The following IL4 variants were observed in gnomAD, a reference collection of about 807,000 sequenced individuals.
The protein encoded by IL4 is interleukin 4, also known as interleukin-4.
A neutral mutation model predicts 17.4 loss-of-function variants in IL4; 10 were observed. That is an observed-to-expected ratio of 0.57 (90% CI 0.35 to 0.97). The LOEUF (loss-of-function observed/expected upper bound fraction) is 0.97, where lower values mean the gene tolerates loss of function less well. Among genes scored for constraint, IL4 ranks in the 50% least tolerant of loss-of-function variants. IL4 has a pLI of 0.01. For synonymous variants in IL4, 87 were observed against 79.0 expected (o/e 1.10, Z -0.54); for missense variants, 174 against 187.7 (o/e 0.93, Z 0.43).
intron 3 of IL4, among the ~76,000 whole-genome samples, chr5:132,681,178 A>G (rs1039827543): frequency 2.6e-5 from 4 of 152,188 alleles, no homozygotes; most frequent in African/African-American, 9.7e-5. Flanking sequence ...GGGAGAGATC[A>G]AAGGACTGAG....
chr5:132,675,706 G>A (rs758170179), intron 2 of IL4, among the ~76,000 whole-genome samples: 1 of 151,830 alleles, frequency 6.6e-6, no homozygotes, highest in Non-Finnish European at 1.5e-5. Flanking sequence ...GCACCACCAC[G>A]CCTGGCTAAT....
chr5:132,680,383 G>A lies in IL4; in HGVS notation c.360+493G>A, dbSNP rs1241624423. Among the ~76,000 whole-genome samples, 1 of 152,156 alleles carries A rather than the reference G, an allele frequency of 6.6e-6. No homozygotes were observed. Among genetic ancestry groups the A allele is most frequent in the Non-Finnish European group, 1.5e-5 (1 of 68,024 alleles). On this transcript the variant is annotated intron_variant, in intron 3 of 3. Transcript: ENST00000231449. This position sits in a 1 kb window ranked among gnomAD's most constrained non-coding sequence, Gnocchi z 4.3. ...CCTGTATTTAAAGACCAGTAGGAAG[G>A]CCAGTGTGGCTGGATCAGAGTGAGT... is the stretch of plus-strand genomic sequence containing the variant.
chr5:132,679,959 C>T (rs1752455585), intron 3 of IL4, 69 bp downstream of exon 3: 3 of 1,348,030 alleles, frequency 2.2e-6, no homozygotes, highest in East Asian at 4.8e-5. Context: ...CACTTCTAAA[C>T]ACTCCTTAGG....
chr5:132,675,929 A>ACGTGTGTGTGTGTGTG (rs1752374852), intron 2 of IL4, among the ~76,000 whole-genome samples: 1 of 140,942 alleles, frequency 7.1e-6, no homozygotes, highest in African/African-American at 2.7e-5. Context: ...GTGTATGTAT[A>ACGTGTGTGTGTGTGTG]TGTGTGTGTG....
intron 2 of IL4, among the ~76,000 whole-genome samples, chr5:132,677,023 T>C (rs559679008): frequency 2.6e-5 from 4 of 152,248 alleles, no homozygotes; most frequent in African/African-American, 7.2e-5. Flanking sequence ...GGTGGACAAG[T>C]AGTTGGAGCT....
At position 132,680,272 on chromosome 5, in the gene IL4, G is replaced by A. The variant is rs557621582; in HGVS notation, c.360+382G>A. On this transcript the variant is annotated intron_variant, in intron 3 of 3. Coordinates refer to ENST00000231449, the MANE Select transcript of IL4 (RefSeq NM_000589.4). This position sits in a 1 kb window ranked among gnomAD's most constrained non-coding sequence, Gnocchi z 4.3. ...ATCTGAGCAGATATTTGAATTGAGG[G>A]AGCAGGCCACATGACTAACTAGGGA... Among the ~76,000 whole-genome samples, 264 of 152,288 alleles carry A rather than the reference G, an allele frequency of 1.7e-3. No homozygotes were observed. The highest frequency in any genetic ancestry group is 3.3e-3 in the Non-Finnish European group (225 of 68,018).
intron 2 of IL4, among the ~76,000 whole-genome samples, chr5:132,678,262 C>T (rs1308677980): frequency 6.6e-6 from 1 of 152,246 alleles, no homozygotes; most frequent in Non-Finnish European, 1.5e-5. Context: ...CTACGCAGCT[C>T]TCAATCCCAT....
At chr5:132,679,654 C>T in intron 2 of IL4, 60 bp from the exon 3 acceptor site, 5 of 1,428,566 alleles carry the variant, frequency 3.5e-6, no homozygotes, top group Non-Finnish European at 4.8e-6. Context: ...GAGGAAAAAT[C>T]TCTCTCCCAT....
intron 3 of IL4, 46 bp downstream of exon 3, chr5:132,679,936 T>C: frequency 6.5e-7 from 1 of 1,527,884 alleles, no homozygotes; most frequent in Non-Finnish European, 8.9e-7. Context: ...TGGCTCCTGG[T>C]GGACAGCAGC....
chr5:132,678,337 C>T (rs1482256807), intron 2 of IL4, among the ~76,000 whole-genome samples: 1 of 152,150 alleles, frequency 6.6e-6, no homozygotes, highest in Non-Finnish European at 1.5e-5. Flanking sequence ...AAAGAAGTTA[C>T]AAAACAGTAT....
intron 3 of IL4, among the ~76,000 whole-genome samples, chr5:132,681,197 C>G (rs1752481246): frequency 6.6e-6 from 1 of 152,146 alleles, no homozygotes; most frequent in African/African-American, 2.4e-5. Flanking sequence ...AGCCTGAGAT[C>G]AACACATGGA....
At chr5:132,679,241 G>C (rs1752438693) in intron 2 of IL4, among the ~76,000 whole-genome samples, 1 of 152,184 alleles carries the variant, frequency 6.6e-6, no homozygotes, top group Non-Finnish European at 1.5e-5. Flanking sequence ...TATTCAACAG[G>C]CATGCAGGAT....
chr5:132,675,374 G>C (rs1752357164), intron 2 of IL4, among the ~76,000 whole-genome samples: 1 of 152,096 alleles, frequency 6.6e-6, no homozygotes, highest in South Asian at 2.1e-4. Context: ...GAGATGATAT[G>C]GCCAGGAGTG....
intron 2 of IL4, among the ~76,000 whole-genome samples, chr5:132,675,692 G>C (rs1338656801): frequency 6.6e-6 from 1 of 152,024 alleles, no homozygotes. Context: ...GGGACGACAG[G>C]TGTGCACCAC....
intron 2 of IL4, among the ~76,000 whole-genome samples, chr5:132,674,773 C>A (rs1198348832): frequency 6.6e-6 from 1 of 152,204 alleles, no homozygotes; most frequent in African/African-American, 2.4e-5. Flanking sequence ...TTGGGTTTTA[C>A]TTAGCTTTGG....
At chr5:132,678,247 C>T (rs1010997660) in intron 2 of IL4, among the ~76,000 whole-genome samples, 4 of 152,248 alleles carry the variant, frequency 2.6e-5, no homozygotes, top group Admixed American at 6.5e-5. Context: ...CTGTGCAATG[C>T]GTTTCTACGC....
chr5:132,674,894 G>A (rs1752349791), intron 2 of IL4, among the ~76,000 whole-genome samples: 1 of 152,252 alleles, frequency 6.6e-6, no homozygotes, highest in South Asian at 2.1e-4. Flanking sequence ...CAGATATTGA[G>A]ATGACAGGTT....
chr5:132,675,921 GTATGTATA>G (rs1561676303), intron 2 of IL4, among the ~76,000 whole-genome samples: 3 of 118,808 alleles, frequency 2.5e-5, no homozygotes, highest in Non-Finnish European at 1.8e-5. Context: ...GTATATATGT[GTATGTATA>G]TGTGTGTGTG....
rs1257825602 is a variant in IL4, at chr5:132,682,601, TGA to T, written c.*16_*17del. 3.6e-6 allele frequency: 5 copies of T among 1,371,346 alleles called. No homozygotes were observed. Among genetic ancestry groups the T allele is most frequent in the Middle Eastern group, 1.8e-4 (1 of 5,532 alleles). The allele number at this position is 1,371,346 out of a possible 1,614,324, so 84.9% of individuals were successfully genotyped here. A position where few individuals can be genotyped will look rare whatever the true frequency, so the allele number is the denominator to read the frequency against. On this transcript the variant is annotated 3_prime_UTR_variant, in exon 4 of 4. Transcript: ENST00000231449. ...TGTTCGAGCTGAATATTTTAATTTATGAGTTTTTGATAGCTTTATTTTTTAAG... is the reference window on the plus strand; with the variant it reads ...TGTTCGAGCTGAATATTTTAATTTATGTTTTTGATAGCTTTATTTTTTAAG...
Sources: gnomAD v4.1 joint callset for allele counts (sites outside exome capture counted in the v4.1 genomes callset) on GRCh38, gnomAD v4.1.1 for gene constraint, Gnocchi (gnomAD v3.1) non-coding constraint, MANE v1.5 for transcripts, NCBI Gene and HGNC (gene_info 2026-07-23, HGNC 2026-07-21) for gene names.